CSMD1: variants seen among roughly 807,000 people sequenced by gnomAD.
CSMD1 encodes CUB and Sushi multiple domains 1.
In CSMD1, 213 loss-of-function variants were observed where a neutral mutation model predicts 417.5. The observed-to-expected ratio is 0.51, with a 90% confidence interval of 0.46 to 0.57. The LOEUF (loss-of-function observed/expected upper bound fraction) is 0.57. Ranked by LOEUF, CSMD1 falls within the 20% of genes least tolerant of loss-of-function variation. The pLI is 0.00. For missense variants in CSMD1, 6,923 were observed against 4,529.7 expected (o/e 1.53, Z -15.17); for synonymous variants, 2,862 against 1,736.8 (o/e 1.65, Z -16.11).
At chr8:4,148,893 C>G (rs1031220458) in intron 3 of CSMD1, among the ~76,000 whole-genome samples, 1 of 152,172 alleles carries the variant, frequency 6.6e-6, no homozygotes, top group Non-Finnish European at 1.5e-5. Context: ...GCATTCCATT[C>G]CCAACATAGT....
intron 3 of CSMD1, among the ~76,000 whole-genome samples, chr8:4,376,291 G>A (rs182256413): frequency 2.0e-5 from 3 of 152,262 alleles, no homozygotes; most frequent in Admixed American, 6.5e-5. Context: ...TGTGGCCATT[G>A]TAGAAAATTT....
intron 2 of CSMD1, among the ~76,000 whole-genome samples, chr8:4,425,253 C>T (rs1483008571): frequency 6.6e-6 from 1 of 151,560 alleles, no homozygotes; most frequent in Non-Finnish European, 1.5e-5. Flanking sequence ...ATTTTTAAAA[C>T]GAGTGTCATA....
chr8:4,939,759 T>C (rs1807858487), intron 1 of CSMD1, among the ~76,000 whole-genome samples: 1 of 152,118 alleles, frequency 6.6e-6, no homozygotes, highest in East Asian at 1.9e-4. Flanking sequence ...GAGTATGCAG[T>C]GTACTGCCTA....
intron 10 of CSMD1, among the ~76,000 whole-genome samples, chr8:3,537,645 A>T (rs1470167461): frequency 6.6e-6 from 1 of 152,062 alleles, no homozygotes; most frequent in African/African-American, 2.4e-5. Context: ...ATGTAGCATC[A>T]TTTATTTCAG....
At chr8:3,681,560 A>G (rs559998138) in intron 7 of CSMD1, among the ~76,000 whole-genome samples, 1 of 152,326 alleles carries the variant, frequency 6.6e-6, no homozygotes, top group African/African-American at 2.4e-5. Context: ...AAATGGAAGA[A>G]CATTCCATGC....
At chr8:3,667,286 G>C (rs190000350) in intron 7 of CSMD1, among the ~76,000 whole-genome samples, 15 of 152,158 alleles carry the variant, frequency 9.9e-5, no homozygotes, top group Admixed American at 6.5e-4. Context: ...GATTATAAGG[G>C]TTATGTGAAA....
intron 10 of CSMD1, among the ~76,000 whole-genome samples, chr8:3,563,559 TACTC>T (rs1799566186): frequency 2.3e-5 from 3 of 131,148 alleles, no homozygotes; most frequent in Admixed American, 1.5e-4. Context: ...ACACACCTCT[TACTC>T]ACAAAAAAAC....
At chr8:3,605,124 A>G (rs995590684) in intron 8 of CSMD1, among the ~76,000 whole-genome samples, 4 of 152,142 alleles carry the variant, frequency 2.6e-5, no homozygotes, top group African/African-American at 9.7e-5. Flanking sequence ...CCTCCCGAGT[A>G]GCTGGGACTA....
intron 2 of CSMD1, among the ~76,000 whole-genome samples, chr8:4,439,616 G>T (rs570268967): frequency 2.0e-4 from 30 of 152,168 alleles, no homozygotes; most frequent in African/African-American, 6.5e-4. Context: ...TTGTTTTAAG[G>T]TAAAGTAAAA....
intron 5 of CSMD1, among the ~76,000 whole-genome samples, chr8:3,888,592 G>C (rs1178206975): frequency 6.6e-6 from 1 of 152,116 alleles, no homozygotes; most frequent in South Asian, 2.1e-4. Flanking sequence ...TAATGGCCCA[G>C]CTGCATAATC....
intron 1 of CSMD1, among the ~76,000 whole-genome samples, chr8:4,822,855 C>G (rs939331357): frequency 6.6e-6 from 1 of 152,038 alleles, no homozygotes; most frequent in African/African-American, 2.4e-5. Context: ...TTTTCTCCGT[C>G]AGATTGTCTT....
chr8:4,027,779 T>G (rs931932063), intron 4 of CSMD1, among the ~76,000 whole-genome samples: 2 of 152,034 alleles, frequency 1.3e-5, no homozygotes, highest in African/African-American at 4.8e-5. Context: ...AATAACATAG[T>G]AAAGGCAGAA....
chr8:3,369,198 C>A, intron 19 of CSMD1, 56 bp downstream of exon 19: 2 of 840,404 alleles, frequency 2.4e-6, no homozygotes, highest in South Asian at 1.5e-5. Flanking sequence ...GTTTTGTTCC[C>A]GTTTTTCTGT....
intron 26 of CSMD1, among the ~76,000 whole-genome samples, chr8:3,241,321 G>A (rs1240196735): frequency 6.6e-6 from 1 of 151,474 alleles, no homozygotes; most frequent in Non-Finnish European, 1.5e-5. Context: ...AGTTATGGAG[G>A]CAAGGGAAAC....
chr8:3,433,257 A>AT (rs1814336586), intron 12 of CSMD1, among the ~76,000 whole-genome samples: 1 of 152,136 alleles, frequency 6.6e-6, no homozygotes, highest in South Asian at 2.1e-4. Flanking sequence ...TTTCTTCAAA[A>AT]TTCTTCTAAC....
At chr8:2,977,080 G>C (rs926869758) in intron 55 of CSMD1, among the ~76,000 whole-genome samples, 1 of 151,758 alleles carries the variant, frequency 6.6e-6, no homozygotes, top group African/African-American at 2.4e-5. Flanking sequence ...AAGAAAAAAA[G>C]ATTTAATAAC....
chr8:4,526,995 T>C (rs372579445), intron 2 of CSMD1, among the ~76,000 whole-genome samples: 2 of 152,194 alleles, frequency 1.3e-5, no homozygotes, highest in Non-Finnish European at 2.9e-5. Flanking sequence ...TCCTCTTACT[T>C]ACAAAGTCTT....
Position 4,009,602 on chromosome 8 carries a change from T to C in CSMD1, c.611-11492A>G, listed in dbSNP as rs146677572. On this transcript the variant is annotated intron_variant, in intron 4 of 69. Coordinates refer to ENST00000635120, the MANE Select transcript of CSMD1 (RefSeq NM_033225.6). ...TGTAATTCCAACTCAATTTTTACAA[T>C]TGCATGGGGAAATATCCAGGAAAGA... Among the ~76,000 whole-genome samples the C allele has an allele frequency of 4.3e-3, 659 of 152,262 alleles. 5 individuals carry two copies. Among genetic ancestry groups the C allele is most frequent in the Middle Eastern group, 0.02 (6 of 294 alleles).
rs1796507033 is a variant in CSMD1 at position 4,276,695 on chromosome 8, A to G, written c.415+143258T>C. Among the ~76,000 whole-genome samples, 3 of 152,248 alleles carry G rather than the reference A, an allele frequency of 2.0e-5. No homozygotes were observed. In the South Asian group the frequency reaches 6.2e-4, roughly 32 times the overall value. ...CATTGATTCAGGAAACGAAGTCTTT[A>G]GTTCCAGTGGGATCCCAATTTTAAT... On this transcript the variant is annotated intron_variant, in intron 3 of 69. Transcript: ENST00000635120.
Sources: allele counts gnomAD v4.1 joint callset (sites outside exome capture counted in the v4.1 genomes callset), GRCh38; gene constraint gnomAD v4.1.1; transcripts MANE v1.5; gene names NCBI Gene and HGNC (gene_info 2026-07-23, HGNC 2026-07-21).